The following WDFY4 variants were observed in gnomAD, a reference collection of about 807,000 sequenced individuals.
The protein encoded by WDFY4 is WD repeat- and FYVE domain-containing protein 4.
Under a neutral mutation model 351.9 loss-of-function variants are expected in WDFY4, and 169 were observed. That is an observed-to-expected ratio of 0.48 (90% CI 0.42 to 0.55). The LOEUF is 0.55. Ranked by LOEUF, WDFY4 falls within the 20% of genes least tolerant of loss-of-function variation. WDFY4 has a pLI of 0.00. For synonymous variants in WDFY4, 1,622 were observed against 1,574.6 expected, an observed-to-expected ratio of 1.03 and a Z score of -0.71; for missense variants, 3,803 against 3,935.6, an observed-to-expected ratio of 0.97 and a Z score of 0.90.
At chr10:48,957,074 C>T (rs1651960235) in intron 51 of WDFY4, 55 bp from the exon 52 acceptor site, 4 of 1,527,608 alleles carry the variant, frequency 2.6e-6, no homozygotes, top group Middle Eastern at 1.7e-4. Context: ...CGGTGCCTGG[C>T]CAGCAGGAGG....
chr10:48,736,711 T>C (rs939394991), intron 11 of WDFY4, among the ~76,000 whole-genome samples: 5 of 152,200 alleles, frequency 3.3e-5, no homozygotes, highest in African/African-American at 1.2e-4. Context: ...AATAGTTACA[T>C]TGCAGTGTGG....
At chr10:48,764,542 C>T (rs1993984) in intron 13 of WDFY4, among the ~76,000 whole-genome samples, 30,106 of 152,214 alleles carry the variant, frequency 0.2, 3,271 homozygotes, top group Middle Eastern at 0.26. Context: ...TGGGCTAGAG[C>T]TCTGACCAGT....
chr10:48,874,536 GA>G (rs1244172409), intron 41 of WDFY4, among the ~76,000 whole-genome samples: 4 of 151,670 alleles, frequency 2.6e-5, no homozygotes, highest in African/African-American at 7.3e-5. Context: ...AAAATCTAAT[GA>G]AAAAATTAGA....
intron 13 of WDFY4, among the ~76,000 whole-genome samples, chr10:48,765,725 T>G (rs1198656108): frequency 6.6e-6 from 1 of 152,134 alleles, no homozygotes; most frequent in Non-Finnish European, 1.5e-5. Flanking sequence ...GTTACCTTTC[T>G]CATAGGGAAG....
chr10:48,782,727 C>CT (rs1418953540), intron 19 of WDFY4, among the ~76,000 whole-genome samples: 3 of 152,214 alleles, frequency 2.0e-5, no homozygotes, highest in African/African-American at 7.2e-5. Flanking sequence ...TTTAACAGCC[C>CT]TTCTCAAAAT....
At chr10:48,750,385 G>T (rs1324841636) in intron 12 of WDFY4, among the ~76,000 whole-genome samples, 1 of 152,344 alleles carries the variant, frequency 6.6e-6, no homozygotes, top group East Asian at 1.9e-4. Flanking sequence ...CCTGCCCATG[G>T]CATGCAGCCA....
At chr10:48,852,504 T>C (rs548603508) in intron 39 of WDFY4, among the ~76,000 whole-genome samples, 4 of 152,324 alleles carry the variant, frequency 2.6e-5, no homozygotes, top group Admixed American at 1.3e-4. Flanking sequence ...TTATCAATAC[T>C]CTTAGATAAT....
intron 43 of WDFY4, among the ~76,000 whole-genome samples, chr10:48,880,310 A>G (rs1308317440): frequency 6.6e-6 from 1 of 152,182 alleles, no homozygotes; most frequent in Middle Eastern, 3.2e-3. Context: ...TTGACTGTCC[A>G]CCAGGTGACA....
intron 12 of WDFY4, chr10:48,745,614 C>A (rs1008981533): frequency 2.1e-5 from 11 of 535,396 alleles, no homozygotes; most frequent in African/African-American, 3.8e-5. Flanking sequence ...GTTTCTGCAG[C>A]CTTATGAGCT....
chr10:48,768,969 G>A (rs1013591037), intron 13 of WDFY4, among the ~76,000 whole-genome samples: 3 of 152,120 alleles, frequency 2.0e-5, no homozygotes, highest in African/African-American at 2.4e-5. Flanking sequence ...CTGTCACTAC[G>A]GCTGCAGTAC....
chr10:48,890,716 C>T lies in WDFY4; in HGVS notation c.7305C>T (p.His2435=). The T allele has an allele frequency of 6.4e-7, 1 of 1,551,740 alleles. No individual in the cohort carries two copies. The highest frequency in any genetic ancestry group is 2.0e-5 in the Admixed American group (1 of 50,996). The change falls in exon 44 of 62, where the codon CAC becomes CAT. Residue 2435 remains histidine, a synonymous_variant. Transcript: ENST00000325239. The part of the protein sequence containing the change: ...SPTGDVYCTR[H]CLSNISDPFI... ...CGGGTGATGTCTACTGTACCCGTCA[C>T]TGCTTATCCAAGTGAGTTATCCACT...
intron 11 of WDFY4, among the ~76,000 whole-genome samples, chr10:48,741,960 A>ACTT (rs2064864594): frequency 6.6e-6 from 1 of 152,212 alleles, no homozygotes; most frequent in African/African-American, 2.4e-5. Context: ...AAAATTACAG[A>ACTT]CTTTTAATAC....
chr10:48,938,191 A>G (rs1840513602), intron 47 of WDFY4, among the ~76,000 whole-genome samples: 1 of 152,390 alleles, frequency 6.6e-6, no homozygotes, highest in South Asian at 2.1e-4. Flanking sequence ...CTGTTTTTGC[A>G]AATAGGCAAC....
chr10:48,973,888 G>A (rs1842438226), intron 57 of WDFY4, among the ~76,000 whole-genome samples: 1 of 151,858 alleles, frequency 6.6e-6, no homozygotes, highest in African/African-American at 2.4e-5. Context: ...TGTCCCAGTG[G>A]CTATGAATCC....
rs886388795 is a variant in WDFY4 at position 48,978,666 on chromosome 10, C to A, written c.9376+273C>A. The stretch of plus-strand genomic sequence containing the variant: ...CCATCACCAACCCCTCCATAATGAA[C>A]ACAGGTACAAACCTCCCCATCAAAG... On this transcript the variant is annotated intron_variant, in intron 60 of 61. Coordinates refer to ENST00000325239, the MANE Select transcript of WDFY4 (RefSeq NM_001394531.1). The A allele has an allele frequency of 1.1e-5, 4 of 376,952 alleles. No homozygotes were observed. In the Admixed American group the frequency reaches 1.8e-4, roughly 17 times the overall value. 23.4% of individuals were successfully genotyped at this position (376,952 alleles called of 1,614,324 possible). A position where few individuals can be genotyped will look rare whatever the true frequency, so the allele number is the denominator to read the frequency against.
intron 24 of WDFY4, among the ~76,000 whole-genome samples, chr10:48,797,282 G>A (rs1293673349): frequency 3.3e-5 from 5 of 152,168 alleles, no homozygotes; most frequent in African/African-American, 1.2e-4. Flanking sequence ...AGAGAAGGCA[G>A]GCCCAAGGGG....
At chr10:48,974,835 T>C in intron 57 of WDFY4, 27 bp from the exon 58 acceptor site, 1 of 1,513,770 alleles carries the variant, frequency 6.6e-7, no homozygotes. Flanking sequence ...AGGGTCCCTC[T>C]CCTAACCTGT....
chr10:48,900,079 A>G (rs892654712), intron 45 of WDFY4, 142 bp from the exon 46 acceptor site: 13 of 654,700 alleles, frequency 2.0e-5, no homozygotes, highest in African/African-American at 5.6e-5. Flanking sequence ...AGGTCTTCCT[A>G]CCATGGGAAC....
chr10:48,797,789 A>G (rs74385002), intron 24 of WDFY4, among the ~76,000 whole-genome samples: 6,742 of 152,292 alleles, frequency 0.044, 517 homozygotes, highest in African/African-American at 0.15. Context: ...TAAATTATCA[A>G]AATTAATAAT....
Sources: allele counts gnomAD v4.1 joint callset (sites outside exome capture counted in the v4.1 genomes callset), GRCh38; gene constraint gnomAD v4.1.1; transcripts MANE v1.5; gene names NCBI Gene and HGNC (gene_info 2026-07-23, HGNC 2026-07-21).